FRMD3: variants seen among roughly 807,000 people sequenced by gnomAD.
FRMD3 encodes FERM domain containing 3, also known as FERM domain-containing protein 3.
Under a neutral mutation model 70.2 loss-of-function variants are expected in FRMD3, and 33 were observed. The observed-to-expected ratio is 0.47, with a 90% confidence interval of 0.36 to 0.63. FRMD3 has a LOEUF of 0.63. FRMD3 is among the 20% of genes least tolerant of loss of function. FRMD3 has a pLI of 0.00. For synonymous variants in FRMD3, 279 were observed against 255.9 expected (o/e 1.09, Z -0.86); for missense variants, 632 against 711.4 (o/e 0.89, Z 1.27).
At chr9:83,568,847 A>G in the FRMD3 span, among the ~76,000 whole-genome samples, 1 of 152,168 alleles carries the variant, frequency 6.6e-6, no homozygotes, top group African/African-American at 2.4e-5. Flanking sequence ...TAAATAGATC[A>G]TGCCACATTG....
chr9:83,315,674 G>A (rs949330468), intron 6 of FRMD3, among the ~76,000 whole-genome samples: 43 of 152,192 alleles, frequency 2.8e-4, no homozygotes, highest in Admixed American at 2.7e-3. Context: ...TGTTCAGCCT[G>A]TGGTACTGTG....
chr9:83,250,216 C>T (rs1832337062), intron 13 of FRMD3, among the ~76,000 whole-genome samples: 2 of 152,166 alleles, frequency 1.3e-5, no homozygotes, highest in South Asian at 4.1e-4. Flanking sequence ...CCCCGACCCC[C>T]AGCCAAGTGC....
At chr9:83,310,194 C>T (rs1835297740) in intron 9 of FRMD3, among the ~76,000 whole-genome samples, 1 of 152,074 alleles carries the variant, frequency 6.6e-6, no homozygotes, top group Admixed American at 6.5e-5. Context: ...ATGTCTGTAT[C>T]TTGGCAAAAA....
At chr9:83,335,258 T>C (rs1823537580) in intron 6 of FRMD3, among the ~76,000 whole-genome samples, 1 of 152,220 alleles carries the variant, frequency 6.6e-6, no homozygotes, top group Admixed American at 6.5e-5. Flanking sequence ...GAAATCCATA[T>C]GTGTAAGAAA....
chr9:83,471,171 C>T (rs10512142), intron 1 of FRMD3, among the ~76,000 whole-genome samples: 8,219 of 152,226 alleles, frequency 0.054, 359 homozygotes, highest in East Asian at 0.15. Flanking sequence ...AGATGATACA[C>T]TCAGAACAGA....
At chr9:83,421,285 A>G (rs1314635726) in intron 1 of FRMD3, among the ~76,000 whole-genome samples, 1 of 152,140 alleles carries the variant, frequency 6.6e-6, no homozygotes, top group Non-Finnish European at 1.5e-5. Flanking sequence ...GTATTCCTTT[A>G]TAGCAACAGG....
At chr9:83,366,658 GA>G (rs1277264464) in intron 3 of FRMD3, among the ~76,000 whole-genome samples, 1 of 152,172 alleles carries the variant, frequency 6.6e-6, no homozygotes, top group African/African-American at 2.4e-5. Flanking sequence ...AAAGAAAGAA[GA>G]AAATCACAAG....
intron 2 of FRMD3, among the ~76,000 whole-genome samples, chr9:83,382,244 T>C (rs1014966934): frequency 6.6e-6 from 1 of 152,210 alleles, no homozygotes; most frequent in Non-Finnish European, 1.5e-5. Context: ...AAAGATCAGC[T>C]AGCCTCTAGA....
intron 3 of FRMD3, among the ~76,000 whole-genome samples, chr9:83,359,722 G>A (rs1824522425): frequency 6.6e-6 from 1 of 152,056 alleles, no homozygotes; most frequent in African/African-American, 2.4e-5. Context: ...TTAAAAATGT[G>A]AAACCTATTC....
intron 1 of FRMD3, among the ~76,000 whole-genome samples, chr9:83,404,569 C>T (rs1042929344): frequency 1.1e-4 from 16 of 152,092 alleles, no homozygotes; most frequent in Non-Finnish European, 1.8e-4. Flanking sequence ...ATCAGAGCCC[C>T]TCTCAGGGAT....
chr9:83,394,524 C>T (rs138870461), intron 1 of FRMD3, among the ~76,000 whole-genome samples: 225 of 152,216 alleles, frequency 1.5e-3, no homozygotes, highest in African/African-American at 5.2e-3. Flanking sequence ...TTGTAAATAT[C>T]TTGTTGGACA....
upstream of FRMD3, among the ~76,000 whole-genome samples, chr9:83,539,657 G>C (rs1180245735): frequency 6.6e-6 from 1 of 152,102 alleles, no homozygotes; most frequent in Non-Finnish European, 1.5e-5. Context: ...ACACCTAGTG[G>C]GGTTGGCTAA....
chr9:83,415,562 C>T (rs1242328532), intron 1 of FRMD3, among the ~76,000 whole-genome samples: 3 of 150,810 alleles, frequency 2.0e-5, no homozygotes, highest in African/African-American at 7.3e-5. Context: ...CCTGCTTCAG[C>T]CTCCAGAGTA....
chr9:83,495,854 C>A lies in FRMD3; in HGVS notation c.147+42231G>T, dbSNP rs1483298310. ...CAGGACTAACACATGAGTAAATTCACAAATTATGGTTGGAATGACAATTTA... is the reference window on the plus strand; with the variant it reads ...CAGGACTAACACATGAGTAAATTCAAAAATTATGGTTGGAATGACAATTTA... On this transcript the variant is annotated intron_variant, in intron 1 of 13. Transcript: ENST00000304195. Among the ~76,000 whole-genome samples, 4 of 152,298 alleles carry A rather than the reference C, an allele frequency of 2.6e-5. No individual in the cohort carries two copies. The East Asian group carries it at 7.7e-4, about 29-fold the overall frequency.
intron 1 of FRMD3, among the ~76,000 whole-genome samples, chr9:83,473,802 T>C (rs1343332256): frequency 6.6e-6 from 1 of 152,204 alleles, no homozygotes; most frequent in East Asian, 1.9e-4. Flanking sequence ...ACAAGGAATG[T>C]ACCTTGCCCT....
intron 13 of FRMD3, among the ~76,000 whole-genome samples, chr9:83,266,522 A>C (rs1833264188): frequency 6.6e-6 from 1 of 151,624 alleles, no homozygotes; most frequent in Non-Finnish European, 1.5e-5. Flanking sequence ...AAATTGGCAG[A>C]AGGTCAGTTC....
At chr9:83,488,676 C>G (rs1828740540) in intron 1 of FRMD3, among the ~76,000 whole-genome samples, 1 of 152,168 alleles carries the variant, frequency 6.6e-6, no homozygotes, top group African/African-American at 2.4e-5. Context: ...ACAAGTTTAC[C>G]CACTCAATGG....
chr9:83,321,575 T>G (rs1258122982), intron 6 of FRMD3, among the ~76,000 whole-genome samples: 4 of 152,212 alleles, frequency 2.6e-5, no homozygotes. Context: ...AAAAATTTGT[T>G]AAGACATTTT....
At chr9:83,365,100 C>A (rs1824746469) in intron 3 of FRMD3, among the ~76,000 whole-genome samples, 1 of 152,166 alleles carries the variant, frequency 6.6e-6, no homozygotes, top group Admixed American at 6.5e-5. Flanking sequence ...AACAAGGACC[C>A]ACCAGTGGTC....
Sources: allele counts gnomAD v4.1 joint callset (sites outside exome capture counted in the v4.1 genomes callset), GRCh38; gene constraint gnomAD v4.1.1; transcripts MANE v1.5; gene names NCBI Gene and HGNC (gene_info 2026-07-23, HGNC 2026-07-21).